SLC35F1: variants seen among roughly 807,000 people sequenced by gnomAD.
SLC35F1 encodes chromosome 6 open reading frame 169.
In SLC35F1, 14 loss-of-function variants were observed where a neutral mutation model predicts 48.7. The observed-to-expected ratio is 0.29, with a 90% confidence interval of 0.19 to 0.45. The LOEUF is 0.45. Among genes scored for constraint, SLC35F1 ranks in the 20% least tolerant of loss-of-function variants. The pLI is 1.00. For missense variants in SLC35F1, 404 were observed against 500.0 expected (o/e 0.81, Z 1.83); for synonymous variants, 190 against 202.2 (o/e 0.94, Z 0.51).
At chr6:118,277,588 A>T (rs556716423) in intron 6 of SLC35F1, 42 bp downstream of exon 6, 26 of 1,574,620 alleles carry the variant, frequency 1.7e-5, no homozygotes, top group Non-Finnish European at 2.3e-5. Flanking sequence ...TTATAACCTG[A>T]GAAATGTGTT....
intron 2 of SLC35F1, among the ~76,000 whole-genome samples, chr6:118,186,481 A>G (rs1267557725): frequency 6.6e-6 from 1 of 152,016 alleles, no homozygotes; most frequent in Non-Finnish European, 1.5e-5. Context: ...TGGCAAAAGC[A>G]TTTACTCCTT....
chr6:117,914,178 G>GTA (rs1286353925), intron 1 of SLC35F1, among the ~76,000 whole-genome samples: 1 of 150,146 alleles, frequency 6.7e-6, no homozygotes, highest in Non-Finnish European at 1.5e-5. Flanking sequence ...ATATGTGTGT[G>GTA]TATATATATA....
At chr6:118,141,678 T>G (rs1421827675) in intron 1 of SLC35F1, among the ~76,000 whole-genome samples, 1 of 152,144 alleles carries the variant, frequency 6.6e-6, no homozygotes, top group East Asian at 1.9e-4. Context: ...CCTCATGACC[T>G]AATCAGCATC....
At position 118,067,652 on chromosome 6, in the gene SLC35F1, G is replaced by T. The variant is rs562450348; in HGVS notation, c.174-86793G>T. Among the ~76,000 whole-genome samples, 4 of 152,300 alleles carry T rather than the reference G, an allele frequency of 2.6e-5. No individual in the cohort carries two copies. In the South Asian group the frequency reaches 8.3e-4, roughly 32 times the overall value. On this transcript the variant is annotated intron_variant, in intron 1 of 7. Coordinates refer to ENST00000360388, the MANE Select transcript of SLC35F1 (RefSeq NM_001029858.4). ...CAGATGGAATAAAGGCTAAAGACAG[G>T]TGATTCAAACAGGCAATTAGGTGAT...
chr6:118,214,726 A>G (rs1775050005), intron 2 of SLC35F1, among the ~76,000 whole-genome samples: 1 of 152,136 alleles, frequency 6.6e-6, no homozygotes, highest in Non-Finnish European at 1.5e-5. Flanking sequence ...CTGAAAACCC[A>G]ATGGGAAAGC....
At chr6:118,075,921 A>G (rs1166125140) in intron 1 of SLC35F1, among the ~76,000 whole-genome samples, 1 of 152,244 alleles carries the variant, frequency 6.6e-6, no homozygotes, top group African/African-American at 2.4e-5. Flanking sequence ...AAAATGCAAA[A>G]GATCTGATAA....
intron 2 of SLC35F1, among the ~76,000 whole-genome samples, chr6:118,192,186 T>C (rs1474220934): frequency 6.6e-6 from 1 of 152,206 alleles, no homozygotes. Context: ...TTCATTCAAA[T>C]TGTATAGCTA....
chr6:118,288,351 G>C (rs1334438017), intron 7 of SLC35F1, among the ~76,000 whole-genome samples: 6 of 152,034 alleles, frequency 3.9e-5, no homozygotes, highest in Non-Finnish European at 8.8e-5. Flanking sequence ...GGAACAGCTT[G>C]CTTTTTATAC....
chr6:118,265,874 TG>T (rs1775767252), intron 3 of SLC35F1, among the ~76,000 whole-genome samples: 1 of 152,192 alleles, frequency 6.6e-6, no homozygotes, highest in Non-Finnish European at 1.5e-5. Context: ...ACAAGGAACT[TG>T]CAGTTCTATG....
At chr6:118,180,260 AT>A (rs1441022233) in intron 2 of SLC35F1, among the ~76,000 whole-genome samples, 2 of 152,158 alleles carry the variant, frequency 1.3e-5, no homozygotes, top group Non-Finnish European at 2.9e-5. Context: ...GGAAGAATGC[AT>A]TTTAAAATAG....
chr6:118,078,674 T>C (rs1013140558), intron 1 of SLC35F1, among the ~76,000 whole-genome samples: 2 of 152,202 alleles, frequency 1.3e-5, no homozygotes, highest in East Asian at 3.9e-4. Flanking sequence ...TCAGAGTTAA[T>C]CTCTCTGTCA....
At chr6:118,061,633 C>G (rs1772541430) in intron 1 of SLC35F1, among the ~76,000 whole-genome samples, 1 of 148,406 alleles carries the variant, frequency 6.7e-6, no homozygotes, top group African/African-American at 2.5e-5. Flanking sequence ...ATGTTTTTAT[C>G]TAGCTGTACA....
intron 1 of SLC35F1, among the ~76,000 whole-genome samples, chr6:118,003,080 A>G (rs1289087519): frequency 6.6e-6 from 1 of 152,242 alleles, no homozygotes; most frequent in Non-Finnish European, 1.5e-5. Context: ...AGGAGGAAAC[A>G]GAATAATGAA....
At chr6:118,028,163 T>C (rs773736291) in intron 1 of SLC35F1, among the ~76,000 whole-genome samples, 1 of 152,166 alleles carries the variant, frequency 6.6e-6, no homozygotes, top group Non-Finnish European at 1.5e-5. Context: ...CATTGTCCTG[T>C]TTTATTCTGT....
rs570820960 is a variant in SLC35F1 at position 118,125,379 on chromosome 6, G to T, written c.174-29066G>T. Among the ~76,000 whole-genome samples the T allele has an allele frequency of 1.9e-4, 22 of 114,292 alleles. No homozygotes were observed. The East Asian group carries it at 3.4e-3, about 17-fold the overall frequency. The allele number at this position is 114,292 out of a possible 152,430, so 75.0% of individuals were successfully genotyped here. A position where few individuals can be genotyped will look rare whatever the true frequency, so the allele number is the denominator to read the frequency against. On this transcript the variant is annotated intron_variant, in intron 1 of 7. Transcript: ENST00000360388. ...TTTTTATTCATTTATGGTATTTTGGGGGGGGGGATCAGATACTTACTATAG... is the reference window on the plus strand; with the variant it reads ...TTTTTATTCATTTATGGTATTTTGGTGGGGGGGATCAGATACTTACTATAG...
At chr6:118,251,200 A>G (rs1262843616) in intron 3 of SLC35F1, among the ~76,000 whole-genome samples, 1 of 152,112 alleles carries the variant, frequency 6.6e-6, no homozygotes, top group East Asian at 1.9e-4. Flanking sequence ...GGGTGGGAGG[A>G]TCACTTGAGC....
At chr6:118,075,201 G>T (rs537691127) in intron 1 of SLC35F1, among the ~76,000 whole-genome samples, 1 of 152,252 alleles carries the variant, frequency 6.6e-6, no homozygotes, top group South Asian at 2.1e-4. Flanking sequence ...ATTTATGCTG[G>T]TCAGAATATA....
chr6:118,119,580 T>G (rs374807141), intron 1 of SLC35F1, among the ~76,000 whole-genome samples: 2 of 143,852 alleles, frequency 1.4e-5, no homozygotes, highest in South Asian at 2.3e-4. Context: ...TTCGGCTCAC[T>G]GCAACCTCTG....
Position 118,265,239 on chromosome 6 carries a change from T to C in SLC35F1, c.478-1756T>C, listed in dbSNP as rs151303731. On this transcript the variant is annotated intron_variant, in intron 3 of 7. Transcript: ENST00000360388. The stretch of plus-strand genomic sequence containing the variant: ...CTGATGTTCAGGGATGCTTTGCAAA[T>C]ACGCAAACCTTTTCCAGCCTTCAGT... Among the ~76,000 whole-genome samples the C allele has an allele frequency of 3.3e-3, 501 of 152,318 alleles. 3 individuals carry two copies. The highest frequency in any genetic ancestry group is 0.012 in the African/African-American group (480 of 41,564).
Sources: allele counts gnomAD v4.1 joint callset (sites outside exome capture counted in the v4.1 genomes callset), GRCh38; gene constraint gnomAD v4.1.1; transcripts MANE v1.5; gene names NCBI Gene and HGNC (gene_info 2026-07-23, HGNC 2026-07-21).